The following FNTA variants were observed in gnomAD, a reference collection of about 807,000 sequenced individuals.
FNTA encodes the protein farnesyltransferase, CAAX box, subunit alpha.
Under a neutral mutation model 55.2 loss-of-function variants are expected in FNTA, and 27 were observed. The ratio of observed to expected loss-of-function variants is 0.49; its 90% CI spans 0.36 to 0.67. The LOEUF (loss-of-function observed/expected upper bound fraction) is 0.67, where lower values mean the gene tolerates loss of function less well. Among genes scored for constraint, FNTA ranks in the 30% least tolerant of loss-of-function variants. FNTA has a pLI of 0.00. For synonymous variants in FNTA, 176 were observed against 170.7 expected (o/e 1.03, Z -0.24); for missense variants, 422 against 464.7 (o/e 0.91, Z 0.85).
intron 1 of FNTA, among the ~76,000 whole-genome samples, chr8:43,057,745 G>A (rs1474674532): frequency 6.6e-6 from 1 of 152,094 alleles, no homozygotes; most frequent in Admixed American, 6.6e-5. Flanking sequence ...ATCACCTGAG[G>A]TCAGGAGTTC....
chr8:43,081,764 A>G (rs1375376501), intron 6 of FNTA: 2 of 152,160 alleles, frequency 1.3e-5, no homozygotes, highest in Non-Finnish European at 2.9e-5. Context: ...AGGTCTCACT[A>G]TGTTGCCCAG....
intron 3 of FNTA, among the ~76,000 whole-genome samples, chr8:43,066,588 G>A (rs1484389118): frequency 3.1e-4 from 1 of 3,250 alleles, no homozygotes; most frequent in African/African-American, 4.8e-4. Context: ...AGCATCGTTC[G>A]TGTGTGTGTG....
In FNTA at chr8:43,056,431, C is replaced by G; in HGVS notation, c.85C>G (p.Pro29Ala). 6.5e-7 allele frequency: 1 copy of G among 1,537,992 alleles called. No homozygotes were observed. The highest frequency in any genetic ancestry group is 8.7e-7 in the Non-Finnish European group (1 of 1,145,626). Reference sequence around the variant, plus strand: ...GCAACCCCCGCCCCAGCCGCACCCACCGCCGCCCCAGCAGCAGCACAAGGA... The same window carrying G: ...GCAACCCCCGCCCCAGCCGCACCCAGCGCCGCCCCAGCAGCAGCACAAGGA... ...PAQPPPQPHP[P>A]PPQQQHKEEM... Residue 29 changes from proline (P) to alanine (A), a missense_variant, in exon 1 of 9, where the codon CCG becomes GCG. Transcript: ENST00000302279.
At chr8:43,071,694 CAAAA>C (rs71231890) in intron 4 of FNTA, among the ~76,000 whole-genome samples, 1 of 73,246 alleles carries the variant, frequency 1.4e-5, no homozygotes, top group Admixed American at 1.7e-4. Flanking sequence ...GACTTCGTCT[CAAAA>C]AAAAAAAAAA....
chr8:43,072,113 A>G, intron 4 of FNTA, 68 bp from the exon 5 acceptor site: 1 of 1,245,166 alleles, frequency 8.0e-7, no homozygotes, highest in Non-Finnish European at 1.1e-6. Flanking sequence ...CCTTTACAAC[A>G]TGTGCAACTG....
chr8:43,062,158 A>G (rs1810547307), intron 2 of FNTA, among the ~76,000 whole-genome samples: 1 of 137,906 alleles, frequency 7.3e-6, no homozygotes, highest in Admixed American at 7.8e-5. Flanking sequence ...ATCAATGTGC[A>G]TATGTGTATG....
chr8:43,076,412 A>G (rs535012434), intron 5 of FNTA, among the ~76,000 whole-genome samples: 17 of 152,234 alleles, frequency 1.1e-4, no homozygotes, highest in African/African-American at 4.1e-4. Context: ...CCTGGCCTCA[A>G]GTGACCTTTC....
intron 4 of FNTA, among the ~76,000 whole-genome samples, chr8:43,071,360 T>G (rs1810786067): frequency 6.6e-6 from 1 of 152,110 alleles, no homozygotes. Flanking sequence ...TATAAAATCC[T>G]TAAGTATTTT....
chr8:43,073,871 C>T (rs1810850928), intron 5 of FNTA, among the ~76,000 whole-genome samples: 1 of 152,060 alleles, frequency 6.6e-6, no homozygotes, highest in African/African-American at 2.4e-5. Flanking sequence ...GTGTCAAAGC[C>T]AAGGAACTGT....
intron 4 of FNTA, 95 bp from the exon 5 acceptor site, chr8:43,072,086 T>G: frequency 1.1e-6 from 1 of 939,680 alleles, no homozygotes; most frequent in African/African-American, 1.7e-5. Context: ...TTGTTTATTG[T>G]GTGTCCTTTC....
rs1052758158 is a variant in FNTA at position 43,083,143 on chromosome 8, G to A, written c.808G>A (p.Val270Ile). The A allele has an allele frequency of 1.3e-6, 2 of 1,586,080 alleles. No individual in the cohort carries two copies. Among genetic ancestry groups the A allele is most frequent in the Non-Finnish European group, 1.7e-6 (2 of 1,167,748 alleles). ...VQYTLEMIKL[V>I]PHNESAWNYL... is the part of the protein sequence containing the mutation. ...ATACACTCTGGAAATGATTAAACTA[G>A]TACCACATAATGAAAGTGCATGGAA... Residue 270 changes from valine to isoleucine, a missense_variant, in exon 7 of 9, where the codon GTA becomes ATA. By Grantham distance (29) the Val-to-Ile change is conservative. This residue lies in a region of FNTA where 262 missense variants were observed against 343.1 expected (regional missense o/e 0.76). Coordinates refer to ENST00000302279, the MANE Select transcript of FNTA (RefSeq NM_002027.3).
In FNTA at chr8:43,084,890, G is replaced by T. The variant is rs777061739; in HGVS notation, c.1017+9G>T. On this transcript the variant is annotated intron_variant, in intron 8 of 8. Coordinates refer to ENST00000302279, the MANE Select transcript of FNTA (RefSeq NM_002027.3). The stretch of plus-strand genomic sequence containing the variant: ...TTAATAAAGCATTAGAGGTAAGCTG[G>T]TGGGGCTCAGTGCTGTCATTTTTGG... 3.7e-6 allele frequency: 6 copies of T among 1,612,270 alleles called. No homozygotes were observed. The Admixed American group carries it at 8.4e-5, about 23-fold the overall frequency.
chr8:43,085,202 G>C lies in FNTA; in HGVS notation c.1060G>C (p.Glu354Gln), dbSNP rs1185604819. ...TAAAGAAAAGGACACTATAAGAAAG[G>C]AATATTGGAGATACATTGGAAGATC... is the stretch of plus-strand genomic sequence containing the variant. ...LAKEKDTIRK[E>Q]YWRYIGRSLQ... The change falls in exon 9 of 9, where the codon GAA (glutamate) becomes CAA (glutamine). Residue 354 changes from glutamate to glutamine, a missense_variant. Physicochemically the swap from Glu to Gln is conservative, Grantham distance 29. Around this residue, in one of 2 missense-constraint regions of FNTA, gnomAD observed 262 missense variants for 343.1 expected, o/e 0.76. Coordinates refer to ENST00000302279, the MANE Select transcript of FNTA (RefSeq NM_002027.3). 1.0e-5 allele frequency: 16 copies of C among 1,586,490 alleles called. No individual in the cohort carries two copies. Among genetic ancestry groups the C allele is most frequent in the Non-Finnish European group, 1.4e-5 (16 of 1,161,328 alleles).
chr8:43,072,066 A>AGATGAATTTTTGTTTATT (rs1169236544), intron 4 of FNTA, 115 bp from the exon 5 acceptor site: 1 of 685,818 alleles, frequency 1.5e-6, no homozygotes, highest in Admixed American at 3.1e-5. Flanking sequence ...TAAGAATTAG[A>AGATGAATTTTTGTTTATT]GATGAATTTT....
At chr8:43,059,599 T>C (rs1437232491) in intron 2 of FNTA, among the ~76,000 whole-genome samples, 1 of 152,206 alleles carries the variant, frequency 6.6e-6, no homozygotes, top group African/African-American at 2.4e-5. Flanking sequence ...AATACATTTA[T>C]TGATATTAAA....
At chr8:43,083,492 C>G (rs1468454249) in intron 7 of FNTA, among the ~76,000 whole-genome samples, 1 of 152,166 alleles carries the variant, frequency 6.6e-6, no homozygotes, top group Non-Finnish European at 1.5e-5. Context: ...CTAGTTGGCT[C>G]AGGAACACAG....
At chr8:43,077,441 A>C in intron 6 of FNTA, 77 bp downstream of exon 6, 2 of 1,170,806 alleles carry the variant, frequency 1.7e-6, no homozygotes, top group South Asian at 1.5e-5. Flanking sequence ...CTGGGGATAC[A>C]GCAGATCAAG....
At position 43,085,349 on chromosome 8, in the gene FNTA, C is replaced by T. The variant is rs182388872; in HGVS notation, c.*67C>T. 1.9e-5 allele frequency: 27 copies of T among 1,457,856 alleles called. No individual in the cohort carries two copies. The highest frequency in any genetic ancestry group is 2.3e-5 in the Non-Finnish European group (24 of 1,059,084). 90.3% of individuals were successfully genotyped at this position (1,457,856 alleles called of 1,614,324 possible). A position where few individuals can be genotyped will look rare whatever the true frequency, so the allele number is the denominator to read the frequency against. On this transcript the variant is annotated 3_prime_UTR_variant, in exon 9 of 9. Coordinates refer to ENST00000302279, the MANE Select transcript of FNTA (RefSeq NM_002027.3). ...TAAGGGACCCTGCAGGAGTTTCACA[C>T]GAGAGTGGTCCTTCCCTTTGCCTGT...
intron 2 of FNTA, among the ~76,000 whole-genome samples, chr8:43,060,562 C>T (rs1297252506): frequency 1.3e-5 from 2 of 151,866 alleles, no homozygotes; most frequent in Non-Finnish European, 2.9e-5. Context: ...GTAATCCCAG[C>T]TACTCAGGAG....
Sources: allele counts gnomAD v4.1 joint callset (sites outside exome capture counted in the v4.1 genomes callset), GRCh38; gene constraint gnomAD v4.1.1; regional missense constraint gnomAD v4.1.1; transcripts MANE v1.5; gene names NCBI Gene and HGNC (gene_info 2026-07-23, HGNC 2026-07-21).